The following HS6ST3 variants were observed in gnomAD, a reference collection of about 807,000 sequenced individuals.
HS6ST3 encodes the protein heparan-sulfate 6-O-sulfotransferase 3.
A neutral mutation model predicts 36.7 loss-of-function variants in HS6ST3; 12 were observed. That is an observed-to-expected ratio of 0.33 (90% CI 0.21 to 0.53). The LOEUF is 0.53. Ranked by LOEUF, HS6ST3 falls within the 20% of genes least tolerant of loss-of-function variation. The pLI is 0.95. For synonymous variants in HS6ST3, 240 were observed against 257.5 expected (o/e 0.93, Z 0.65); for missense variants, 584 against 640.9 (o/e 0.91, Z 0.96).
chr13:96,258,537 A>C (rs1045752733), intron 1 of HS6ST3, among the ~76,000 whole-genome samples: 1 of 152,162 alleles, frequency 6.6e-6, no homozygotes, highest in Non-Finnish European at 1.5e-5. Context: ...ATGAAATGGG[A>C]TTGGCAGCCC....
At chr13:96,582,394 G>T (rs1202398269) in intron 1 of HS6ST3, among the ~76,000 whole-genome samples, 2 of 152,200 alleles carry the variant, frequency 1.3e-5, no homozygotes, top group Non-Finnish European at 2.9e-5. Flanking sequence ...AATTTCCAAA[G>T]AAGTGACAGA....
chr13:96,489,601 T>A (rs2055934812), intron 1 of HS6ST3, among the ~76,000 whole-genome samples: 1 of 152,100 alleles, frequency 6.6e-6, no homozygotes, highest in Non-Finnish European at 1.5e-5. Flanking sequence ...ATATGTGTTG[T>A]CATATCATGT....
intron 1 of HS6ST3, among the ~76,000 whole-genome samples, chr13:96,292,836 C>T (rs2139399697): frequency 6.6e-6 from 1 of 152,168 alleles, no homozygotes; most frequent in South Asian, 2.1e-4. Context: ...AACAATTTCA[C>T]ATTTTACAGT....
intron 1 of HS6ST3, among the ~76,000 whole-genome samples, chr13:96,403,918 T>C (rs962080618): frequency 2.0e-4 from 30 of 152,342 alleles, no homozygotes; most frequent in African/African-American, 7.0e-4. Context: ...TGACAGGTGC[T>C]TAAATGGGCA....
chr13:96,486,944 T>C (rs1442239233), intron 1 of HS6ST3, among the ~76,000 whole-genome samples: 3 of 152,126 alleles, frequency 2.0e-5, no homozygotes, highest in Non-Finnish European at 4.4e-5. Flanking sequence ...GGAGTGCACA[T>C]TCTGGCAAAA....
At chr13:96,423,744 G>A (rs1367750292) in intron 1 of HS6ST3, among the ~76,000 whole-genome samples, 2 of 152,014 alleles carry the variant, frequency 1.3e-5, no homozygotes, top group Non-Finnish European at 2.9e-5. Context: ...TATTCTCCCT[G>A]TGATGGTACA....
chr13:96,306,106 CTTT>C (rs5805960), intron 1 of HS6ST3, among the ~76,000 whole-genome samples: 1 of 130,280 alleles, frequency 7.7e-6, no homozygotes, highest in Non-Finnish European at 1.6e-5. Context: ...TTTTCTTTTT[CTTT>C]TTTTTTTTTT....
At chr13:96,622,945 A>G (rs1235551215) in intron 1 of HS6ST3, among the ~76,000 whole-genome samples, 1 of 152,072 alleles carries the variant, frequency 6.6e-6, no homozygotes, top group East Asian at 1.9e-4. Flanking sequence ...TTATAATATC[A>G]CTCATGCTTT....
rs1189968257 is a variant in HS6ST3 at position 96,236,634 on chromosome 13, C to T, written c.707+145065C>T. On this transcript the variant is annotated intron_variant, in intron 1 of 1. Transcript: ENST00000376705. ...GAATCTGTCATTCACTGTCTCCTTG[C>T]CAGCACTCAAGCAGCTGAATATTCC... Among the ~76,000 whole-genome samples the T allele has an allele frequency of 3.3e-5, 5 of 152,112 alleles. 1 individual carries two copies. Among genetic ancestry groups the T allele is most frequent in the Non-Finnish European group, 7.4e-5 (5 of 68,016 alleles).
intron 1 of HS6ST3, among the ~76,000 whole-genome samples, chr13:96,826,729 G>T (rs1213459166): frequency 6.6e-6 from 1 of 152,162 alleles, no homozygotes; most frequent in Non-Finnish European, 1.5e-5. Context: ...ATTTTTTAAC[G>T]TGATCGCCTT....
At chr13:96,499,847 G>A (rs147713697) in intron 1 of HS6ST3, among the ~76,000 whole-genome samples, 58 of 152,280 alleles carry the variant, frequency 3.8e-4, no homozygotes, top group African/African-American at 1.3e-3. Context: ...CAGGCTGAAC[G>A]CACTGGGGAG....
chr13:96,489,458 C>G (rs1187845876), intron 1 of HS6ST3, among the ~76,000 whole-genome samples: 1 of 151,962 alleles, frequency 6.6e-6, no homozygotes, highest in Admixed American at 6.6e-5. Context: ...CTATTTTTGA[C>G]TGCCAACTGG....
chr13:96,461,346 C>T (rs917740183), intron 1 of HS6ST3, among the ~76,000 whole-genome samples: 1 of 152,074 alleles, frequency 6.6e-6, no homozygotes, highest in African/African-American at 2.4e-5. Context: ...AGAACAACAA[C>T]AAAATTTGTT....
chr13:96,398,190 T>C (rs1182415577), intron 1 of HS6ST3, among the ~76,000 whole-genome samples: 4 of 152,228 alleles, frequency 2.6e-5, no homozygotes, highest in African/African-American at 9.6e-5. Flanking sequence ...TGCTGCTTTC[T>C]ACTATGTTTC....
chr13:96,117,777 C>G (rs1282252491), intron 1 of HS6ST3, among the ~76,000 whole-genome samples: 2 of 152,088 alleles, frequency 1.3e-5, no homozygotes, highest in Non-Finnish European at 1.5e-5. Flanking sequence ...TGAGATAAAT[C>G]TGTGCCTAAC....
At chr13:96,765,041 T>C (rs1301783346) in intron 1 of HS6ST3, among the ~76,000 whole-genome samples, 1 of 151,696 alleles carries the variant, frequency 6.6e-6, no homozygotes, top group Non-Finnish European at 1.5e-5. Flanking sequence ...ACTTGCCATA[T>C]TTCTTTCTTT....
At chr13:96,251,027 T>G (rs2054605380) in intron 1 of HS6ST3, among the ~76,000 whole-genome samples, 1 of 152,220 alleles carries the variant, frequency 6.6e-6, no homozygotes. Context: ...TCTGTGTTCA[T>G]AAAAGATACT....
chr13:96,743,155 C>T lies in HS6ST3; in HGVS notation c.708-89335C>T, dbSNP rs535958811. On this transcript the variant is annotated intron_variant, in intron 1 of 1. Coordinates refer to ENST00000376705, the MANE Select transcript of HS6ST3 (RefSeq NM_153456.4). ...ATCTCCAACCTTGGATGATCAGGTT[C>T]CGTTTTTATTAATACCAGGGAAGGT... Among the ~76,000 whole-genome samples the T allele has an allele frequency of 2.0e-5, 3 of 152,140 alleles. No homozygotes were observed. In the South Asian group the frequency reaches 6.2e-4, roughly 32 times the overall value.
chr13:96,770,597 G>A (rs1877239653), intron 1 of HS6ST3, among the ~76,000 whole-genome samples: 1 of 152,148 alleles, frequency 6.6e-6, no homozygotes, highest in Non-Finnish European at 1.5e-5. Flanking sequence ...GAAATAGAAG[G>A]ATATTGGGGA....
Sources: allele counts gnomAD v4.1 joint callset (sites outside exome capture counted in the v4.1 genomes callset), GRCh38; gene constraint gnomAD v4.1.1; transcripts MANE v1.5; gene names NCBI Gene and HGNC (gene_info 2026-07-23, HGNC 2026-07-21).